The following PIK3CA variants were observed in gnomAD, a reference collection of about 807,000 sequenced individuals.
PIK3CA encodes the protein phosphatidylinositol 4,5-bisphosphate 3-kinase catalytic subunit alpha isoform.
A neutral mutation model predicts 138.2 loss-of-function variants in PIK3CA; 27 were observed. That is an observed-to-expected ratio of 0.20 (90% CI 0.14 to 0.27). PIK3CA has a LOEUF of 0.27. Ranked by LOEUF, PIK3CA falls within the 10% of genes least tolerant of loss-of-function variation. The pLI is 1.00. For missense variants in PIK3CA, 544 were observed against 1,277.4 expected (o/e 0.43, Z 8.75); for synonymous variants, 358 against 413.2 (o/e 0.87, Z 1.62).
chr3:179,229,015 T>C (rs1725151468), intron 17 of PIK3CA, among the ~76,000 whole-genome samples: 1 of 152,150 alleles, frequency 6.6e-6, no homozygotes, highest in Non-Finnish European at 1.5e-5. Context: ...ATTGCCACAA[T>C]AATTTTCTTA....
At chr3:179,152,492 CTAG>C (rs1290554731) in intron 1 of PIK3CA, among the ~76,000 whole-genome samples, 1 of 152,134 alleles carries the variant, frequency 6.6e-6, no homozygotes, top group Non-Finnish European at 1.5e-5. Context: ...GGTTCAAAAC[CTAG>C]TTCTTAAACT....
At chr3:179,215,555 G>T (rs971548759) in intron 9 of PIK3CA, among the ~76,000 whole-genome samples, 9 of 151,860 alleles carry the variant, frequency 5.9e-5, no homozygotes, top group African/African-American at 1.5e-4. Context: ...ATAAAAGAAG[G>T]ATAGAATAGC....
At chr3:179,167,319 T>TA (rs1723445072) in intron 1 of PIK3CA, among the ~76,000 whole-genome samples, 1 of 152,098 alleles carries the variant, frequency 6.6e-6, no homozygotes, top group Admixed American at 6.5e-5. Flanking sequence ...TTAATTTTGT[T>TA]ACCATGTTTA....
At chr3:179,232,266 C>T (rs2108427101) in intron 20 of PIK3CA, among the ~76,000 whole-genome samples, 1 of 152,244 alleles carries the variant, frequency 6.6e-6, no homozygotes, top group East Asian at 1.9e-4. Flanking sequence ...AGTCTTCGAT[C>T]CATCTTGAGT....
intron 1 of PIK3CA, among the ~76,000 whole-genome samples, chr3:179,177,676 C>T (rs1260564650): frequency 6.6e-6 from 1 of 152,136 alleles, no homozygotes; most frequent in African/African-American, 2.4e-5. Flanking sequence ...AAAACCCATT[C>T]AGAAAATTAA....
rs922462174 is a variant in PIK3CA, at chr3:179,235,568, A to C, written c.*1204A>C. Reference sequence around the variant, plus strand: ...TCTCCCGTCTTCCATTCTCTTTTATAATTGAGAATGTCTCAATCATATGAA... The same window carrying C: ...TCTCCCGTCTTCCATTCTCTTTTATCATTGAGAATGTCTCAATCATATGAA... On this transcript the variant is annotated 3_prime_UTR_variant, in exon 21 of 21. Transcript: ENST00000263967. The C allele has an allele frequency of 2.0e-5, 4 of 200,844 alleles. No individual in the cohort carries two copies. Among genetic ancestry groups the C allele is most frequent in the African/African-American group, 9.2e-5 (4 of 43,550 alleles). 12.4% of individuals were successfully genotyped at this position (200,844 alleles called of 1,614,324 possible).
rs1725395468 is a variant in PIK3CA, at chr3:179,239,388, CTA to C, written c.*5025_*5026del. ...TGTTTCATATTAAAATATAATTAGA[CTA>C]AACTTAATTCTAGTATGAATTTCCA... On this transcript the variant is annotated 3_prime_UTR_variant, in exon 21 of 21. Transcript: ENST00000263967. The C allele has an allele frequency of 5.1e-6, 1 of 196,232 alleles. No homozygotes were observed. Among genetic ancestry groups the C allele is most frequent in the South Asian group, 1.9e-4 (1 of 5,180 alleles). 12.2% of individuals were successfully genotyped at this position (196,232 alleles called of 1,614,324 possible). A position where few individuals can be genotyped will look rare whatever the true frequency, so the allele number is the denominator to read the frequency against.
intron 17 of PIK3CA, among the ~76,000 whole-genome samples, chr3:179,228,787 A>C (rs940352649): frequency 1.3e-5 from 2 of 152,002 alleles, no homozygotes; most frequent in Non-Finnish European, 2.9e-5. Context: ...GAATTAGTAA[A>C]TATTTAAAAT....
At chr3:179,199,657 G>C (rs759913478) in intron 2 of PIK3CA, 33 bp from the exon 3 acceptor site, 12 of 1,430,830 alleles carry the variant, frequency 8.4e-6, no homozygotes, top group Non-Finnish European at 1.2e-5. Context: ...GTATGTAATA[G>C]AATGTTATAT....
At chr3:179,206,878 T>C (rs1724575338) in intron 6 of PIK3CA, among the ~76,000 whole-genome samples, 1 of 146,468 alleles carries the variant, frequency 6.8e-6, no homozygotes, top group African/African-American at 2.6e-5. Context: ...ATGATCGTAC[T>C]ACTGCAGTCC....
chr3:179,181,189 A>C (rs957878779), intron 1 of PIK3CA, among the ~76,000 whole-genome samples: 5 of 152,188 alleles, frequency 3.3e-5, no homozygotes, highest in African/African-American at 1.2e-4. Context: ...TTAGTTTTGG[A>C]GTGTGTGAAT....
chr3:179,163,732 G>A (rs1462651981), intron 1 of PIK3CA, among the ~76,000 whole-genome samples: 2 of 152,070 alleles, frequency 1.3e-5, no homozygotes, highest in Non-Finnish European at 2.9e-5. Context: ...AAGCATAAGG[G>A]ACATGTTTTT....
At chr3:179,173,404 CAAAAAAAAA>C (rs749831764) in intron 1 of PIK3CA, among the ~76,000 whole-genome samples, 13 of 43,110 alleles carry the variant, frequency 3.0e-4, no homozygotes, top group South Asian at 2.1e-3. Context: ...GCTAAAAATA[CAAAAAAAAA>C]AAAAAAAAAA....
intron 1 of PIK3CA, among the ~76,000 whole-genome samples, chr3:179,164,399 A>G (rs1019649951): frequency 8.5e-5 from 13 of 152,232 alleles, no homozygotes; most frequent in African/African-American, 2.4e-5. Flanking sequence ...TGAAAGAAAT[A>G]TGAATACACT....
intron 6 of PIK3CA, among the ~76,000 whole-genome samples, chr3:179,207,912 C>T (rs1410245988): frequency 1.3e-5 from 2 of 151,920 alleles, no homozygotes; most frequent in Non-Finnish European, 1.5e-5. Flanking sequence ...TGGTAGTATG[C>T]GCCTGAAATC....
chr3:179,187,465 G>A (rs1724013673), intron 1 of PIK3CA, among the ~76,000 whole-genome samples: 1 of 146,482 alleles, frequency 6.8e-6, no homozygotes, highest in Non-Finnish European at 1.5e-5. Flanking sequence ...TTGAACCCGG[G>A]AGGTGGAGGT....
intron 17 of PIK3CA, among the ~76,000 whole-genome samples, chr3:179,228,817 A>G (rs1055092556): frequency 9.2e-5 from 14 of 152,142 alleles, no homozygotes; most frequent in Non-Finnish European, 1.8e-4. Context: ...CCCTATTTCA[A>G]TTTCTAATAT....
intron 3 of PIK3CA, among the ~76,000 whole-genome samples, chr3:179,200,458 A>G (rs1264545333): frequency 1.3e-5 from 2 of 152,096 alleles, no homozygotes; most frequent in East Asian, 1.9e-4. Context: ...ATAAATATCT[A>G]TATTTTTCAG....
chr3:179,205,217 A>ATG (rs1324102992), intron 6 of PIK3CA, among the ~76,000 whole-genome samples: 1 of 151,834 alleles, frequency 6.6e-6, no homozygotes, highest in Non-Finnish European at 1.5e-5. Context: ...AAATATATAT[A>ATG]TATTTTACAT....
Sources: allele counts gnomAD v4.1 joint callset (sites outside exome capture counted in the v4.1 genomes callset), GRCh38; gene constraint gnomAD v4.1.1; transcripts MANE v1.5; gene names NCBI Gene and HGNC (gene_info 2026-07-23, HGNC 2026-07-21).